Variants in CYP4X1 observed in about 807,000 individuals in gnomAD.
The protein encoded by CYP4X1 is cytochrome P450 family 4 subfamily X member 1.
In CYP4X1, 44 loss-of-function variants were observed where a neutral mutation model predicts 57.9. The observed-to-expected ratio is 0.76, with a 90% CI of 0.60 to 0.98. CYP4X1 has a LOEUF of 0.98. Among genes scored for constraint, CYP4X1 ranks in the 50% least tolerant of loss-of-function variants. The pLI, the probability that CYP4X1 is intolerant of heterozygous loss-of-function variation, is 0.00. For synonymous variants in CYP4X1, 227 were observed against 228.6 expected, an observed-to-expected ratio of 0.99 and a Z score of 0.06; for missense variants, 532 against 623.9, an observed-to-expected ratio of 0.85 and a Z score of 1.57.
At chr1:46,965,913 G>GC in the CYP4X1 span, among the ~76,000 whole-genome samples, 2 of 152,200 alleles carry the variant, frequency 1.3e-5, no homozygotes, top group Non-Finnish European at 2.9e-5. Context: ...AGTGATGGAA[G>GC]CCCCCACAGG....
the CYP4X1 span, among the ~76,000 whole-genome samples, chr1:46,968,084 T>A: frequency 6.6e-6 from 1 of 151,988 alleles, no homozygotes; most frequent in Non-Finnish European, 1.5e-5. Context: ...CTAGGATCCT[T>A]AGGAAGGGGC....
chr1:47,021,088 T>C (rs1463095512), upstream of CYP4X1, among the ~76,000 whole-genome samples: 1 of 123,488 alleles, frequency 8.1e-6, no homozygotes, highest in Non-Finnish European at 1.6e-5. Context: ...TATCTCCAAT[T>C]CCCTGTACTG....
At chr1:47,007,963 T>G in the CYP4X1 span, among the ~76,000 whole-genome samples, 1 of 152,194 alleles carries the variant, frequency 6.6e-6, no homozygotes, top group Non-Finnish European at 1.5e-5. Context: ...TACCTGAAAG[T>G]GATGGGGAGA....
chr1:46,977,563 T>G, the CYP4X1 span, among the ~76,000 whole-genome samples: 8 of 152,056 alleles, frequency 5.3e-5, no homozygotes, highest in Non-Finnish European at 8.8e-5. Context: ...CAGGATATTA[T>G]GTAGGAGAAC....
chr1:46,981,838 T>C, the CYP4X1 span, among the ~76,000 whole-genome samples: 1 of 152,208 alleles, frequency 6.6e-6, no homozygotes, highest in Non-Finnish European at 1.5e-5. Flanking sequence ...TGTATGGACA[T>C]AGATGAAGCT....
At chr1:47,012,754 A>G in the CYP4X1 span, among the ~76,000 whole-genome samples, 1 of 152,204 alleles carries the variant, frequency 6.6e-6, no homozygotes, top group Non-Finnish European at 1.5e-5. Context: ...TATTTCACAG[A>G]GTGGTCTGGA....
At position 47,033,255 on chromosome 1, in the gene CYP4X1, G is replaced by T; in HGVS notation, c.379G>T (p.Ala127Ser). ...TATTTCTCAAGGAAAAGGACTAGCGGCTCTAGACGGACCCAAGTGGTTCCA... is the reference window on the plus strand; with the variant it reads ...TATTTCTCAAGGAAAAGGACTAGCGTCTCTAGACGGACCCAAGTGGTTCCA... ...SPPLLGKGLA[A>S]LDGPKWFQHR... The change falls in exon 4 of 12, where the codon GCT (alanine) becomes TCT (serine). Residue 127 changes from alanine to serine, a missense_variant. Ala to Ser is a moderately conservative substitution (Grantham distance 99). Coordinates refer to ENST00000371901, the MANE Select transcript of CYP4X1 (RefSeq NM_178033.2). 6.2e-7 allele frequency: 1 copy of T among 1,613,592 alleles called. No individual in the cohort carries two copies. The highest frequency in any genetic ancestry group is 1.3e-5 in the African/African-American group (1 of 74,968).
At chr1:46,977,405 G>C in the CYP4X1 span, among the ~76,000 whole-genome samples, 1,398 of 152,130 alleles carry the variant, frequency 9.2e-3, 29 homozygotes, top group African/African-American at 0.032. Flanking sequence ...TTGAAATGAA[G>C]TAAGAAGAGA....
intron 8 of CYP4X1, among the ~76,000 whole-genome samples, chr1:47,041,136 C>CT (rs1644242383): frequency 6.6e-6 from 1 of 152,082 alleles, no homozygotes; most frequent in Non-Finnish European, 1.5e-5. Context: ...TTTTCTATGG[C>CT]TAATTGTTAG....
At chr1:46,998,006 G>C in the CYP4X1 span, among the ~76,000 whole-genome samples, 1 of 151,782 alleles carries the variant, frequency 6.6e-6, no homozygotes, top group African/African-American at 2.4e-5. Context: ...CTTTTGAGAA[G>C]GGTCTGTTCA....
chr1:47,036,385 T>TAC (rs58237350), intron 6 of CYP4X1, among the ~76,000 whole-genome samples: 3 of 148,494 alleles, frequency 2.0e-5, no homozygotes, highest in Non-Finnish European at 4.5e-5. Context: ...TATATATATA[T>TAC]ACACTATTTT....
At chr1:46,991,035 A>T in the CYP4X1 span, among the ~76,000 whole-genome samples, 8 of 150,738 alleles carry the variant, frequency 5.3e-5, no homozygotes, top group Non-Finnish European at 1.2e-4. Context: ...GTATCCCAGA[A>T]CTTAAAAAAA....
At chr1:47,016,241 A>T in the CYP4X1 span, among the ~76,000 whole-genome samples, 1 of 152,286 alleles carries the variant, frequency 6.6e-6, no homozygotes, top group African/African-American at 2.4e-5. Flanking sequence ...AAAAAAAAAA[A>T]GTTTAAACCA....
the CYP4X1 span, among the ~76,000 whole-genome samples, chr1:46,986,898 A>C: frequency 2.5e-4 from 38 of 152,220 alleles, no homozygotes; most frequent in Non-Finnish European, 5.1e-4. Flanking sequence ...ATGGAAAAAA[A>C]AACCAGTACC....
At position 47,050,371 on chromosome 1, in the gene CYP4X1, G is replaced by T; in HGVS notation, c.*197G>T. The T allele has an allele frequency of 1.8e-6, 1 of 541,508 alleles. No homozygotes were observed. 33.5% of individuals were successfully genotyped at this position (541,508 alleles called of 1,614,324 possible). ...GATCTGTTTCTATATAACTTTGGGA[G>T]ATTTTCAGATCTTTTCTGTTAAACT... On this transcript the variant is annotated 3_prime_UTR_variant, in exon 12 of 12. Coordinates refer to ENST00000371901, the MANE Select transcript of CYP4X1 (RefSeq NM_178033.2).
chr1:46,980,660 C>T, the CYP4X1 span, among the ~76,000 whole-genome samples: 19 of 152,170 alleles, frequency 1.2e-4, no homozygotes, highest in Middle Eastern at 3.4e-3. Flanking sequence ...AAAAAAGAGC[C>T]CATATTGCCA....
the CYP4X1 span, among the ~76,000 whole-genome samples, chr1:47,006,888 C>A: frequency 6.6e-6 from 1 of 152,156 alleles, no homozygotes; most frequent in Non-Finnish European, 1.5e-5. Context: ...GGGGAGGGCA[C>A]CCAAAACTGC....
downstream of CYP4X1, among the ~76,000 whole-genome samples, chr1:47,054,751 A>G (rs915656481): frequency 6.6e-6 from 1 of 152,110 alleles, no homozygotes; most frequent in African/African-American, 2.4e-5. Context: ...AATGCTTGTG[A>G]TTTTTGCACA....
intron 2 of CYP4X1, among the ~76,000 whole-genome samples, chr1:47,031,132 C>T (rs1644119604): frequency 6.6e-6 from 1 of 152,248 alleles, no homozygotes; most frequent in African/African-American, 2.4e-5. Context: ...GTTGTCCCAA[C>T]TACGGTTATG....
Sources: gnomAD v4.1 joint callset for allele counts (sites outside exome capture counted in the v4.1 genomes callset) on GRCh38, gnomAD v4.1.1 for gene constraint, MANE v1.5 for transcripts, NCBI Gene and HGNC (gene_info 2026-07-23, HGNC 2026-07-21) for gene names.